CDH4: variants seen among roughly 807,000 people sequenced by gnomAD.
CDH4 encodes the protein cadherin 4.
CDH4 carries 33 observed loss-of-function variants against 86.0 expected under a neutral mutation model. That is an observed-to-expected ratio of 0.38 (90% CI 0.29 to 0.51). CDH4 has a LOEUF of 0.51. Among genes scored for constraint, CDH4 ranks in the 20% least tolerant of loss-of-function variants. The probability of loss-of-function intolerance (pLI) is 0.86; values close to 1 mark genes in which losing one functional copy is unlikely to be tolerated. For missense variants in CDH4, 1,114 were observed against 1,307.4 expected, an observed-to-expected ratio of 0.85 and a Z score of 2.28; for synonymous variants, 555 against 549.4, an observed-to-expected ratio of 1.01 and a Z score of -0.14.
At chr20:61,856,652 C>T (rs71323529) in intron 6 of CDH4, among the ~76,000 whole-genome samples, 1 of 142,676 alleles carries the variant, frequency 7.0e-6, no homozygotes. Context: ...CTAGAATCCA[C>T]GAGGGTCCTG....
chr20:61,531,424 G>A (rs2085951307), intron 2 of CDH4, among the ~76,000 whole-genome samples: 1 of 134,846 alleles, frequency 7.4e-6, no homozygotes, highest in South Asian at 2.3e-4. Context: ...AGTGAGCCAA[G>A]ATCGTGCCAT....
intron 4 of CDH4, among the ~76,000 whole-genome samples, chr20:61,787,941 C>T (rs1446288980): frequency 1.3e-5 from 2 of 152,194 alleles, no homozygotes; most frequent in African/African-American, 4.8e-5. Context: ...AGTGTCAAGG[C>T]CAGGTCACTC....
chr20:61,349,751 C>G (rs2084699212), intron 2 of CDH4, among the ~76,000 whole-genome samples: 1 of 152,200 alleles, frequency 6.6e-6, no homozygotes, highest in African/African-American at 2.4e-5. Context: ...GGCAGTCTTG[C>G]TGATCCTTCT....
chr20:61,910,485 C>T lies in CDH4; in HGVS notation c.1252C>T (p.Arg418Ter), dbSNP rs766529605. Residue 418 changes from arginine to a stop codon, truncating the protein, a stop_gained, in exon 9 of 16, where the codon CGA becomes TGA. Coordinates refer to ENST00000614565, the MANE Select transcript of CDH4 (RefSeq NM_001794.5). LOFTEE classifies it high-confidence loss of function. ...TVVANLTVMD[R>*]DQPHSPNWNA... The stretch of plus-strand genomic sequence containing the variant: ...GGTCGCAAACCTCACGGTGATGGAC[C>T]GAGATCAGCCCCACTCTCCAAACTG... 5.6e-6 allele frequency: 9 copies of T among 1,613,882 alleles called. No individual in the cohort carries two copies. The highest frequency in any genetic ancestry group is 3.3e-5 in the South Asian group (3 of 91,090).
intron 2 of CDH4, among the ~76,000 whole-genome samples, chr20:61,601,269 C>T (rs2086598351): frequency 6.6e-6 from 1 of 152,172 alleles, no homozygotes; most frequent in Non-Finnish European, 1.5e-5. Context: ...TGAGAGCTTA[C>T]TCACTGTGGT....
chr20:61,524,592 C>T (rs2085896962), intron 2 of CDH4, among the ~76,000 whole-genome samples: 2 of 152,004 alleles, frequency 1.3e-5, no homozygotes, highest in South Asian at 2.1e-4. Context: ...TCAGGTGATC[C>T]TCCTACCTCA....
At chr20:61,773,962 G>A (rs1026059103) in intron 4 of CDH4, among the ~76,000 whole-genome samples, 1 of 152,198 alleles carries the variant, frequency 6.6e-6, no homozygotes, top group Non-Finnish European at 1.5e-5. Flanking sequence ...GAGGAAGAGA[G>A]CAGCCACCAG....
intron 2 of CDH4, among the ~76,000 whole-genome samples, chr20:61,284,309 G>A (rs776160823): frequency 1.1e-4 from 17 of 151,926 alleles, no homozygotes; most frequent in African/African-American, 1.9e-4. Context: ...GCAAGACTCC[G>A]TCTCAAAAAA....
At chr20:61,625,066 A>G (rs2086817467) in intron 2 of CDH4, among the ~76,000 whole-genome samples, 1 of 152,204 alleles carries the variant, frequency 6.6e-6, no homozygotes, top group South Asian at 2.1e-4. Context: ...TCATGGGGCT[A>G]GGGAGATTCC....
intron 2 of CDH4, among the ~76,000 whole-genome samples, chr20:61,256,526 G>A (rs1404902763): frequency 2.0e-5 from 3 of 152,232 alleles, no homozygotes; most frequent in Non-Finnish European, 4.4e-5. Context: ...GCCAAACCGT[G>A]CTGTGCTCTT....
chr20:61,686,681 T>G (rs1205737680), intron 2 of CDH4, among the ~76,000 whole-genome samples: 2 of 137,980 alleles, frequency 1.4e-5, no homozygotes, highest in Non-Finnish European at 1.6e-5. Flanking sequence ...GCGTGTGCAT[T>G]TGTGTGTGCA....
chr20:61,781,005 T>G (rs1978510721), intron 4 of CDH4, among the ~76,000 whole-genome samples: 1 of 152,152 alleles, frequency 6.6e-6, no homozygotes, highest in Admixed American at 6.5e-5. Flanking sequence ...CCCAGATCCT[T>G]GGCTGCCCCG....
At chr20:61,804,434 T>C (rs1199338625) in intron 4 of CDH4, among the ~76,000 whole-genome samples, 1 of 152,166 alleles carries the variant, frequency 6.6e-6, no homozygotes, top group Non-Finnish European at 1.5e-5. Flanking sequence ...GGCCTCGGCC[T>C]CACCCACTGC....
intron 2 of CDH4, among the ~76,000 whole-genome samples, chr20:61,522,883 C>T (rs1424482144): frequency 6.6e-6 from 1 of 152,370 alleles, no homozygotes; most frequent in Non-Finnish European, 1.5e-5. Flanking sequence ...GGGCCGGAGC[C>T]CTCTGCAGTG....
intron 2 of CDH4, among the ~76,000 whole-genome samples, chr20:61,267,197 A>C (rs546554153): frequency 6.6e-6 from 1 of 152,284 alleles, no homozygotes; most frequent in African/African-American, 2.4e-5. Flanking sequence ...GAAGCCACCA[A>C]GTTTATGGTC....
chr20:61,295,006 C>G (rs956359831), intron 2 of CDH4, among the ~76,000 whole-genome samples: 2 of 152,234 alleles, frequency 1.3e-5, no homozygotes, highest in African/African-American at 4.8e-5. Flanking sequence ...GCGAGAATGT[C>G]CCCTTGGATG....
chr20:61,924,526 TG>T, intron 11 of CDH4, 50 bp downstream of exon 11: 3 of 1,577,370 alleles, frequency 1.9e-6, no homozygotes, highest in Non-Finnish European at 1.7e-6. Flanking sequence ...TCCCGTGTCC[TG>T]GGTTCTGTGG....
At chr20:61,758,874 A>G (rs2088597921) in intron 3 of CDH4, among the ~76,000 whole-genome samples, 1 of 152,132 alleles carries the variant, frequency 6.6e-6, no homozygotes, top group Non-Finnish European at 1.5e-5. Context: ...TAGCACAGTC[A>G]GGTTCTGCTT....
chr20:61,407,376 C>T (rs986173367), intron 2 of CDH4, among the ~76,000 whole-genome samples: 5 of 152,164 alleles, frequency 3.3e-5, no homozygotes, highest in Non-Finnish European at 5.9e-5. Context: ...CGGTTGATGC[C>T]ACCTTCACCT....
Sources: gnomAD v4.1 joint callset for allele counts (sites outside exome capture counted in the v4.1 genomes callset) on GRCh38, gnomAD v4.1.1 for gene constraint, MANE v1.5 for transcripts, NCBI Gene and HGNC (gene_info 2026-07-23, HGNC 2026-07-21) for gene names.